Variants in UBN1 observed in about 807,000 individuals in gnomAD.
UBN1 encodes the protein ubinuclein 1.
UBN1 carries 17 observed loss-of-function variants against 108.5 expected under a neutral mutation model. That is an observed-to-expected ratio of 0.16 (90% CI 0.11 to 0.24). The LOEUF (loss-of-function observed/expected upper bound fraction) is 0.24. UBN1 is among the 10% of genes least tolerant of loss of function. The pLI is 1.00. For synonymous variants in UBN1, 726 were observed against 564.2 expected (o/e 1.29, Z -4.07); for missense variants, 1,595 against 1,394.4 (o/e 1.14, Z -2.29).
chr16:4,877,168 G>T lies in UBN1; in HGVS notation c.3265+57G>T, dbSNP rs1453592068. On this transcript the variant is annotated intron_variant, in intron 16 of 17. Transcript: ENST00000262376. The surrounding 1 kb of genome is among the most constrained non-coding windows in gnomAD (Gnocchi z 4.3). ...AGGAACCTCTAGATTGTGGCCAGGGGTCCTGCTGTTGTGTACTCTGGTTCC... is the reference window on the plus strand; with the variant it reads ...AGGAACCTCTAGATTGTGGCCAGGGTTCCTGCTGTTGTGTACTCTGGTTCC... 2 of 1,548,318 alleles carry T rather than the reference G, an allele frequency of 1.3e-6. No individual in the cohort carries two copies. The highest frequency in any genetic ancestry group is 1.7e-6 in the Non-Finnish European group (2 of 1,151,516).
At chr16:4,879,985 G>A in intron 17 of UBN1, 98 bp from the exon 18 acceptor site, 1 of 1,315,394 alleles carries the variant, frequency 7.6e-7, no homozygotes, top group Non-Finnish European at 1.1e-6. Flanking sequence ...GGGGACTTTT[G>A]CTATTTAGGT....
chr16:4,861,176 A>T, intron 7 of UBN1, 74 bp downstream of exon 7: 1 of 1,467,586 alleles, frequency 6.8e-7, no homozygotes, highest in East Asian at 2.4e-5. Context: ...GCACTGCGTG[A>T]AGCTTGCCCA....
intron 7 of UBN1, among the ~76,000 whole-genome samples, chr16:4,862,389 G>A (rs2087108815): frequency 6.6e-6 from 1 of 152,198 alleles, no homozygotes; most frequent in Admixed American, 6.5e-5. Context: ...TTCAAGTATT[G>A]TATTTGAATG....
chr16:4,859,246 G>T lies in UBN1; in HGVS notation c.567+87G>T, dbSNP rs753000308. On this transcript the variant is annotated intron_variant, in intron 5 of 17. Coordinates refer to ENST00000262376, the MANE Select transcript of UBN1 (RefSeq NM_001079514.3). ...TAGGTGACTTGCCAGAATACGTGGC[G>T]CTTGGCCGGCTCAGGAGGATGGTGG... The T allele has an allele frequency of 4.6e-6, 7 of 1,528,100 alleles. No homozygotes were observed. In the East Asian group the frequency reaches 1.4e-4, roughly 29 times the overall value. The allele number at this position is 1,528,100 out of a possible 1,614,324, so 94.7% of individuals were successfully genotyped here.
chr16:4,862,766 G>C (rs926779097), intron 7 of UBN1, among the ~76,000 whole-genome samples: 1 of 152,248 alleles, frequency 6.6e-6, no homozygotes, highest in African/African-American at 2.4e-5. Flanking sequence ...AGTGGCAACA[G>C]AATGACATAA....
At chr16:4,859,653 A>C (rs1441250686) in intron 5 of UBN1, among the ~76,000 whole-genome samples, 2 of 152,188 alleles carry the variant, frequency 1.3e-5, no homozygotes, top group African/African-American at 4.8e-5. Context: ...CAGAATGGTC[A>C]CTGTTGTCTC....
Position 4,874,855 on chromosome 16 carries a change from A to T in UBN1, c.2445A>T (p.Lys815Asn). 6.2e-7 allele frequency: 1 copy of T among 1,614,090 alleles called. No homozygotes were observed. The highest frequency in any genetic ancestry group is 8.5e-7 in the Non-Finnish European group (1 of 1,180,040). The change falls in exon 15 of 18, where the codon AAA becomes AAT. Residue 815 changes from lysine (K) to asparagine (N), a missense_variant. By Grantham distance (94) the Lys-to-Asn change is moderately conservative. Transcript: ENST00000262376. ...KVFHAGTQQQ[K>N]NFTPPSPFAN... ...TTCATGCCGGCACTCAGCAGCAGAA[A>T]AACTTCACGCCCCCATCTCCATTTG... is the stretch of plus-strand genomic sequence containing the variant.
At chr16:4,869,987 G>C (rs956377182) in intron 8 of UBN1, among the ~76,000 whole-genome samples, 1 of 152,196 alleles carries the variant, frequency 6.6e-6, no homozygotes, top group African/African-American at 2.4e-5. Flanking sequence ...TGTGACCTAA[G>C]AGCCTTGGCC....
intron 1 of UBN1, among the ~76,000 whole-genome samples, chr16:4,850,760 C>T (rs1264431257): frequency 6.6e-6 from 1 of 152,158 alleles, no homozygotes; most frequent in South Asian, 2.1e-4. Context: ...TGGATATATA[C>T]AAATACGTCT....
At chr16:4,873,246 C>G (rs920503758) in intron 14 of UBN1, among the ~76,000 whole-genome samples, 173 bp downstream of exon 14, 3 of 152,208 alleles carry the variant, frequency 2.0e-5, no homozygotes, top group Non-Finnish European at 2.9e-5. Context: ...ACTTAACCCC[C>G]CTCTAGCCTT....
chr16:4,862,945 G>C (rs1174240795), intron 7 of UBN1, among the ~76,000 whole-genome samples: 1 of 152,232 alleles, frequency 6.6e-6, no homozygotes, highest in Non-Finnish European at 1.5e-5. Context: ...GTGGGGAGCT[G>C]GTGACCAGGA....
intron 17 of UBN1, among the ~76,000 whole-genome samples, chr16:4,878,809 A>C (rs2087993175): frequency 6.6e-6 from 1 of 152,162 alleles, no homozygotes; most frequent in African/African-American, 2.4e-5. Flanking sequence ...CCAGGAGTTC[A>C]AGACCAGCCT....
chr16:4,878,247 T>C (rs1283432495), intron 17 of UBN1, among the ~76,000 whole-genome samples: 1 of 152,102 alleles, frequency 6.6e-6, no homozygotes, highest in East Asian at 1.9e-4. Flanking sequence ...GCATGGGAAG[T>C]CTCATGGTGT....
chr16:4,870,712 G>T (rs1036700271), intron 10 of UBN1, 78 bp downstream of exon 10: 1 of 1,589,388 alleles, frequency 6.3e-7, no homozygotes, highest in Non-Finnish European at 8.6e-7. Context: ...GTGTACTGCC[G>T]TTTCCCAAGG....
Position 4,852,967 on chromosome 16 carries a change from A to G in UBN1, c.50A>G (p.Asn17Ser), listed in dbSNP as rs779420415. 2.0e-5 allele frequency: 33 copies of G among 1,614,034 alleles called. No homozygotes were observed. In the South Asian group the frequency reaches 3.1e-4, roughly 15 times the overall value. ...VQFTSLPGSLNPAFLKKSRKE... is the reference protein window; with the variant it reads ...VQFTSLPGSLSPAFLKKSRKE... ...TTCACCTCTCTCCCAGGTTCCCTGA[A>G]TCCTGCGTTTTTGAAGAAGTCCCGG... Residue 17 changes from asparagine (N) to serine (S), a missense_variant, in exon 2 of 18, where the codon AAT (asparagine) becomes AGT (serine). Coordinates refer to ENST00000262376, the MANE Select transcript of UBN1 (RefSeq NM_001079514.3).
chr16:4,849,069 C>G (rs1042814058), intron 1 of UBN1, among the ~76,000 whole-genome samples: 1 of 152,180 alleles, frequency 6.6e-6, no homozygotes, highest in Admixed American at 6.5e-5. Context: ...CACTGCACTC[C>G]AGCTAGGCGA....
chr16:4,866,871 A>G lies in UBN1; in HGVS notation c.1111-1962A>G, dbSNP rs79517015. ...ATAAATGGACCCGATAGATACGCAG[A>G]CAATGGACTGTAGTACAGAGCAGAA... On this transcript the variant is annotated intron_variant, in intron 7 of 17. Coordinates refer to ENST00000262376, the MANE Select transcript of UBN1 (RefSeq NM_001079514.3). Among the ~76,000 whole-genome samples the G allele has an allele frequency of 9.4e-3, 1,439 of 152,344 alleles. 13 individuals carry two copies. The highest frequency in any genetic ancestry group is 0.014 in the Non-Finnish European group (929 of 68,030).
At chr16:4,871,389 A>C in intron 12 of UBN1, 88 bp downstream of exon 12, 126 of 1,525,108 alleles carry the variant, frequency 8.3e-5, no homozygotes, top group Non-Finnish European at 9.9e-5. Context: ...ATCCTTGCTC[A>C]CAGGGAGTCA....
Position 4,877,680 on chromosome 16 carries a change from G to C in UBN1, c.3355+206G>C, listed in dbSNP as rs1435929701. On this transcript the variant is annotated intron_variant, in intron 17 of 17. Coordinates refer to ENST00000262376, the MANE Select transcript of UBN1 (RefSeq NM_001079514.3). The surrounding 1 kb of genome is among the most constrained non-coding windows in gnomAD (Gnocchi z 4.3). Reference sequence around the variant, plus strand: ...TTTCCTCTGGTCCCCACTTGGAGCTGCCGCCAGGTCAGCCTCAGCCTGTGT... The same window carrying C: ...TTTCCTCTGGTCCCCACTTGGAGCTCCCGCCAGGTCAGCCTCAGCCTGTGT... 1.6e-6 allele frequency: 2 copies of C among 1,274,558 alleles called. No individual in the cohort carries two copies. Among genetic ancestry groups the C allele is most frequent in the Admixed American group, 4.0e-5 (1 of 24,792 alleles). 79.0% of individuals were successfully genotyped at this position (1,274,558 alleles called of 1,614,324 possible).
Sources: allele counts gnomAD v4.1 joint callset (sites outside exome capture counted in the v4.1 genomes callset), GRCh38; gene constraint gnomAD v4.1.1; non-coding constraint Gnocchi (gnomAD v3.1); transcripts MANE v1.5; gene names NCBI Gene and HGNC (gene_info 2026-07-23, HGNC 2026-07-21).